CAMK1D: variants seen among roughly 807,000 people sequenced by gnomAD.
The protein encoded by CAMK1D is calcium/calmodulin dependent protein kinase ID, also known as calcium/calmodulin-dependent protein kinase type 1D.
In CAMK1D, 9 loss-of-function variants were observed where a neutral mutation model predicts 47.7. The ratio of observed to expected loss-of-function variants is 0.19; its 90% CI spans 0.11 to 0.33. The LOEUF is 0.33. Among genes scored for constraint, CAMK1D ranks in the 10% least tolerant of loss-of-function variants. CAMK1D has a pLI of 1.00. For missense variants in CAMK1D, 291 were observed against 488.7 expected (o/e 0.60, Z 3.81); for synonymous variants, 184 against 184.9 (o/e 0.99, Z 0.04).
At chr10:12,672,806 T>C (rs1840666474) in intron 3 of CAMK1D, among the ~76,000 whole-genome samples, 1 of 151,984 alleles carries the variant, frequency 6.6e-6, no homozygotes, top group Non-Finnish European at 1.5e-5. Flanking sequence ...TCTCCAACTT[T>C]AGTTTTTTTA....
In CAMK1D at chr10:12,503,299, G is replaced by A. The variant is rs567338934; in HGVS notation, c.93-49926G>A. Among the ~76,000 whole-genome samples, 26 of 152,324 alleles carry A rather than the reference G, an allele frequency of 1.7e-4. No homozygotes were observed. In the South Asian group the frequency reaches 5.2e-3, roughly 30 times the overall value. On this transcript the variant is annotated intron_variant, in intron 1 of 10. Transcript: ENST00000619168. ...GCATTTGCTCCTCGCCCCGCCTGAT[G>A]TGGCCAGGTGGCTGCGTGTAGTGTA...
intron 1 of CAMK1D, among the ~76,000 whole-genome samples, chr10:12,368,111 G>A (rs1373691060): frequency 6.6e-6 from 1 of 151,988 alleles, no homozygotes; most frequent in Non-Finnish European, 1.5e-5. Context: ...AGAATGGCGT[G>A]AGCCCGGGAG....
At position 12,536,101 on chromosome 10, in the gene CAMK1D, A is replaced by T. The variant is rs559399956; in HGVS notation, c.93-17124A>T. ...CCTTTATCTTTTATGCCTTTGGTTAATTTTTTGAAAATCATGAAAGATTTC... is the reference window on the plus strand; with the variant it reads ...CCTTTATCTTTTATGCCTTTGGTTATTTTTTTGAAAATCATGAAAGATTTC... On this transcript the variant is annotated intron_variant, in intron 1 of 10. Coordinates refer to ENST00000619168, the MANE Select transcript of CAMK1D (RefSeq NM_153498.4). Among the ~76,000 whole-genome samples the T allele has an allele frequency of 3.9e-5, 6 of 152,174 alleles. No homozygotes were observed. The South Asian group carries it at 1.2e-3, about 32-fold the overall frequency.
At chr10:12,671,917 T>G (rs1299979785) in intron 3 of CAMK1D, among the ~76,000 whole-genome samples, 1 of 147,324 alleles carries the variant, frequency 6.8e-6, no homozygotes, top group Non-Finnish European at 1.5e-5. Context: ...AATTCTTTTT[T>G]TTTTTTTTTT....
intron 5 of CAMK1D, among the ~76,000 whole-genome samples, chr10:12,774,891 T>C (rs1837212857): frequency 6.6e-6 from 1 of 152,278 alleles, no homozygotes; most frequent in Admixed American, 6.5e-5. Context: ...TACCGTATCC[T>C]TGAAACAATT....
intron 2 of CAMK1D, among the ~76,000 whole-genome samples, chr10:12,578,072 TTTTATTTA>T: frequency 6.6e-6 from 1 of 152,202 alleles, no homozygotes; most frequent in African/African-American, 2.4e-5. Flanking sequence ...ATAGTCTGCT[TTTTATTTA>T]TTTATTTATT....
At chr10:12,506,664 G>A (rs575583065) in intron 1 of CAMK1D, among the ~76,000 whole-genome samples, 5 of 152,034 alleles carry the variant, frequency 3.3e-5, no homozygotes, top group African/African-American at 7.2e-5. Context: ...GACTACAGGC[G>A]TCCGCCACCA....
intron 3 of CAMK1D, among the ~76,000 whole-genome samples, chr10:12,722,446 C>CAAAAAAAAAAAAA (rs55809900): frequency 2.1e-5 from 1 of 48,594 alleles, no homozygotes; most frequent in Non-Finnish European, 3.5e-5. Flanking sequence ...GACTCCGCCT[C>CAAAAAAAAAAAAA]AAAAAAAAAA....
At chr10:12,820,355 C>T (rs1290163566) in intron 8 of CAMK1D, among the ~76,000 whole-genome samples, 1 of 152,196 alleles carries the variant, frequency 6.6e-6, no homozygotes, top group African/African-American at 2.4e-5. Context: ...ATAAGTCAAA[C>T]CCTGGAAAAT....
rs201120881 is a variant in CAMK1D at position 12,664,393 on chromosome 10, A to AG, written c.225-2342dup. Among the ~76,000 whole-genome samples the AG allele has an allele frequency of 2.2e-3, 339 of 151,860 alleles. 3 individuals are homozygous for AG. Among genetic ancestry groups the AG allele is most frequent in the African/African-American group, 7.0e-3 (289 of 41,564 alleles). On this transcript the variant is annotated intron_variant, in intron 2 of 10. Coordinates refer to ENST00000619168, the MANE Select transcript of CAMK1D (RefSeq NM_153498.4). ...CTCTGGAACGCTGCAATGGATTAAA[A>AG]GCAGTTTCTAGTCAGCACTCATGTA...
intron 1 of CAMK1D, among the ~76,000 whole-genome samples, chr10:12,474,538 C>A (rs56753468): frequency 0.013 from 1,901 of 152,022 alleles, 43 homozygotes; most frequent in African/African-American, 0.042. Context: ...TAAAACATTG[C>A]ATAACATAAA....
intron 3 of CAMK1D, among the ~76,000 whole-genome samples, chr10:12,722,434 G>A (rs1329417506): frequency 1.1e-5 from 1 of 87,478 alleles, no homozygotes; most frequent in African/African-American, 4.4e-5. Flanking sequence ...GCAACAAAGT[G>A]AGACTCCGCC....
intron 2 of CAMK1D, among the ~76,000 whole-genome samples, chr10:12,607,463 C>T (rs778440029): frequency 2.0e-5 from 3 of 152,190 alleles, no homozygotes; most frequent in Non-Finnish European, 2.9e-5. Context: ...GTGAGGTGTT[C>T]ATTTTCCAAT....
chr10:12,491,054 G>T (rs1477937960), intron 1 of CAMK1D, among the ~76,000 whole-genome samples: 1 of 152,160 alleles, frequency 6.6e-6, no homozygotes, highest in East Asian at 1.9e-4. Context: ...TGCAGATGCT[G>T]GGGATTTGAG....
At chr10:12,568,799 A>G (rs1052153581) in intron 2 of CAMK1D, among the ~76,000 whole-genome samples, 2 of 152,124 alleles carry the variant, frequency 1.3e-5, no homozygotes, top group South Asian at 4.1e-4. Flanking sequence ...ACAGTCAACT[A>G]AGTAAGTGAT....
At position 12,834,386 on chromosome 10, in the gene CAMK1D, G is replaced by A. The variant is rs1232665467; in HGVS notation, c.*5499G>A. 2.6e-5 allele frequency: 4 copies of A among 152,232 alleles called. No individual in the cohort carries two copies. The highest frequency in any genetic ancestry group is 9.7e-5 in the African/African-American group (4 of 41,446). The allele number at this position is 152,232 out of a possible 1,614,324, so 9.4% of individuals were successfully genotyped here. A position where few individuals can be genotyped will look rare whatever the true frequency, so the allele number is the denominator to read the frequency against. On this transcript the variant is annotated 3_prime_UTR_variant, in exon 11 of 11. Transcript: ENST00000619168. ...GACTTCCCCGCCACCTCCAGCAGGA[G>A]CAGCTCAGTTTGTGGCTCTGGGAGC...
At chr10:12,733,421 G>A (rs532170757) in intron 3 of CAMK1D, among the ~76,000 whole-genome samples, 12 of 152,298 alleles carry the variant, frequency 7.9e-5, no homozygotes, top group Non-Finnish European at 1.3e-4. Context: ...TTCTGGCTTC[G>A]TTGACCAGGT....
At chr10:12,365,483 G>T (rs1053299564) in intron 1 of CAMK1D, among the ~76,000 whole-genome samples, 32 of 152,114 alleles carry the variant, frequency 2.1e-4, no homozygotes, top group Admixed American at 5.2e-4. Context: ...CTGTCGCCCA[G>T]GCTGGAGTGC....
intron 1 of CAMK1D, among the ~76,000 whole-genome samples, chr10:12,406,583 C>T (rs1462539584): frequency 1.3e-5 from 2 of 151,510 alleles, no homozygotes; most frequent in Admixed American, 1.3e-4. Flanking sequence ...ATTATCAGGG[C>T]ATGGTGGTGC....
Sources: allele counts gnomAD v4.1 joint callset (sites outside exome capture counted in the v4.1 genomes callset), GRCh38; gene constraint gnomAD v4.1.1; transcripts MANE v1.5; gene names NCBI Gene and HGNC (gene_info 2026-07-23, HGNC 2026-07-21).